Variants in BCKDHB observed in about 807,000 individuals in gnomAD.
BCKDHB encodes 2-oxoisovalerate dehydrogenase subunit beta, mitochondrial.
Under a neutral mutation model 48.5 loss-of-function variants are expected in BCKDHB, and 41 were observed. The observed-to-expected ratio is 0.85, with a 90% CI of 0.66 to 1.10. The LOEUF (loss-of-function observed/expected upper bound fraction) is 1.10, where lower values mean the gene tolerates loss of function less well. Among genes scored for constraint, BCKDHB ranks in the 50% least tolerant of loss-of-function variants. The probability of loss-of-function intolerance (pLI) is 0.00; values close to 1 mark genes in which losing one functional copy is unlikely to be tolerated. For missense variants in BCKDHB, 496 were observed against 494.2 expected, an observed-to-expected ratio of 1.00 and a Z score of -0.03; for synonymous variants, 201 against 174.8, an observed-to-expected ratio of 1.15 and a Z score of -1.18.
intron 9 of BCKDHB, among the ~76,000 whole-genome samples, chr6:80,338,477 G>C (rs1000325140): frequency 6.6e-6 from 1 of 152,162 alleles, no homozygotes; most frequent in East Asian, 1.9e-4. Flanking sequence ...AGAGGCCTGA[G>C]TGCATTTAAG....
At chr6:80,416,109 G>A in the BCKDHB span, among the ~76,000 whole-genome samples, 1,678 of 152,070 alleles carry the variant, frequency 0.011, 17 homozygotes, top group African/African-American at 0.025. Flanking sequence ...TGTGGGGTCA[G>A]TGGGAATATC....
chr6:80,185,771 A>T (rs996913464), intron 6 of BCKDHB, among the ~76,000 whole-genome samples: 2 of 152,116 alleles, frequency 1.3e-5, no homozygotes, highest in Non-Finnish European at 2.9e-5. Context: ...CTGTGAGGTG[A>T]TATGTCTTCA....
chr6:80,412,741 G>C, the BCKDHB span, among the ~76,000 whole-genome samples: 1 of 152,018 alleles, frequency 6.6e-6, no homozygotes, highest in East Asian at 1.9e-4. Context: ...CTTTTGTCTG[G>C]CAAAGTCTTT....
At chr6:80,257,407 T>G (rs1330230126) in intron 8 of BCKDHB, among the ~76,000 whole-genome samples, 1 of 140,836 alleles carries the variant, frequency 7.1e-6, no homozygotes, top group Non-Finnish European at 1.5e-5. Context: ...TAAAGATATA[T>G]AATTCATATA....
chr6:80,427,188 G>T, the BCKDHB span, among the ~76,000 whole-genome samples: 748 of 151,846 alleles, frequency 4.9e-3, 4 homozygotes, highest in African/African-American at 0.016. Context: ...GGCCTAAATG[G>T]TATATTTTAC....
intron 9 of BCKDHB, among the ~76,000 whole-genome samples, chr6:80,341,109 T>C (rs1260540131): frequency 2.0e-5 from 3 of 152,184 alleles, no homozygotes; most frequent in Non-Finnish European, 4.4e-5. Flanking sequence ...AAAAGACTGA[T>C]ATCCTATTCG....
the BCKDHB span, among the ~76,000 whole-genome samples, chr6:80,419,790 GT>G: frequency 2.6e-5 from 4 of 152,154 alleles, no homozygotes; most frequent in Non-Finnish European, 2.9e-5. Flanking sequence ...GTGCACTGTA[GT>G]CCCATGAACG....
chr6:80,367,178 T>C, the BCKDHB span, among the ~76,000 whole-genome samples: 3 of 152,194 alleles, frequency 2.0e-5, no homozygotes, highest in Non-Finnish European at 4.4e-5. Flanking sequence ...CTGTTAAAGT[T>C]ACTCAATATA....
At chr6:80,400,717 A>G in the BCKDHB span, among the ~76,000 whole-genome samples, 2 of 151,990 alleles carry the variant, frequency 1.3e-5, no homozygotes, top group Non-Finnish European at 2.9e-5. Flanking sequence ...AACTGGGTAC[A>G]TATCCCCAAG....
chr6:80,345,195 G>T lies in BCKDHB; in HGVS notation c.*1391G>T, dbSNP rs560704778. The T allele has an allele frequency of 2.0e-5, 3 of 152,212 alleles. No homozygotes were observed. The East Asian group carries it at 5.8e-4, about 29-fold the overall frequency. The allele number at this position is 152,212 out of a possible 1,614,324, so 9.4% of individuals were successfully genotyped here. On this transcript the variant is annotated 3_prime_UTR_variant, in exon 10 of 10. Coordinates refer to ENST00000320393, the MANE Select transcript of BCKDHB (RefSeq NM_183050.4). ...GTTAGCTTTTCAGAGTTTTAATATA[G>T]AAGTTACTAGCACTGACACACTGAT...
chr6:80,365,962 A>G, the BCKDHB span, among the ~76,000 whole-genome samples: 2 of 152,224 alleles, frequency 1.3e-5, no homozygotes, highest in African/African-American at 4.8e-5. Flanking sequence ...AAAGCAAATG[A>G]TCTCAGTACA....
At chr6:80,438,129 T>G in the BCKDHB span, among the ~76,000 whole-genome samples, 1 of 152,244 alleles carries the variant, frequency 6.6e-6, no homozygotes, top group South Asian at 2.1e-4. Context: ...CAAATTGCAC[T>G]ATTATCTCAG....
intron 8 of BCKDHB, among the ~76,000 whole-genome samples, chr6:80,254,141 A>C (rs1329090237): frequency 6.6e-6 from 1 of 151,764 alleles, no homozygotes; most frequent in African/African-American, 2.4e-5. Flanking sequence ...AACTCCCAAA[A>C]GGTGAAAATT....
chr6:80,372,949 T>C, the BCKDHB span, among the ~76,000 whole-genome samples: 5 of 152,160 alleles, frequency 3.3e-5, no homozygotes, highest in South Asian at 6.2e-4. Context: ...GGTATTAAGG[T>C]GATACTGGCT....
chr6:80,328,506 T>G (rs72906160), intron 9 of BCKDHB, among the ~76,000 whole-genome samples: 1 of 152,180 alleles, frequency 6.6e-6, no homozygotes, highest in East Asian at 1.9e-4. Flanking sequence ...TTTCACAACA[T>G]AAAAAGTTAG....
intron 8 of BCKDHB, among the ~76,000 whole-genome samples, chr6:80,251,486 G>C (rs1411674970): frequency 6.6e-6 from 1 of 152,180 alleles, no homozygotes; most frequent in Non-Finnish European, 1.5e-5. Flanking sequence ...TTGTAAGCAA[G>C]TGCTCTTCAT....
chr6:80,115,537 G>A (rs756135524), intron 1 of BCKDHB, among the ~76,000 whole-genome samples: 1 of 152,090 alleles, frequency 6.6e-6, no homozygotes, highest in Non-Finnish European at 1.5e-5. Flanking sequence ...ATTTCATGAT[G>A]TGAATTAGTG....
At chr6:80,364,834 C>T in the BCKDHB span, among the ~76,000 whole-genome samples, 2 of 152,226 alleles carry the variant, frequency 1.3e-5, no homozygotes, top group Admixed American at 6.5e-5. Context: ...GGGAACCCAC[C>T]CCCAATATTT....
intron 9 of BCKDHB, among the ~76,000 whole-genome samples, chr6:80,278,810 G>T (rs987034332): frequency 6.6e-5 from 10 of 151,812 alleles, no homozygotes; most frequent in Admixed American, 1.3e-4. Flanking sequence ...ACCGACCTCG[G>T]CCTCCCAAAG....
Sources: allele counts gnomAD v4.1 joint callset (sites outside exome capture counted in the v4.1 genomes callset), GRCh38; gene constraint gnomAD v4.1.1; transcripts MANE v1.5; gene names NCBI Gene and HGNC (gene_info 2026-07-23, HGNC 2026-07-21).